PPM1H: variants seen among roughly 807,000 people sequenced by gnomAD.
PPM1H encodes protein phosphatase 1H.
PPM1H carries 27 observed loss-of-function variants against 54.9 expected under a neutral mutation model. That is an observed-to-expected ratio of 0.49 (90% confidence interval 0.36 to 0.68). PPM1H has a LOEUF of 0.68. PPM1H is among the 30% of genes least tolerant of loss of function. The pLI, the probability that PPM1H is intolerant of heterozygous loss-of-function variation, is 0.00. For missense variants in PPM1H, 596 were observed against 667.8 expected (o/e 0.89, Z 1.19); for synonymous variants, 305 against 270.8 (o/e 1.13, Z -1.24).
In PPM1H at chr12:62,934,763, T is replaced by G. The variant is rs1376224620; in HGVS notation, c.-27A>C. 1 of 1,496,210 alleles carries G rather than the reference T, an allele frequency of 6.7e-7. No individual in the cohort carries two copies. 92.7% of individuals were successfully genotyped at this position (1,496,210 alleles called of 1,614,324 possible). Reference sequence around the variant, plus strand: ...TTACTCCGGCGCCCGGCTGCAGCGGTGCGAGCAGGAGGCGGCGGGGGCCGG... The same window carrying G: ...TTACTCCGGCGCCCGGCTGCAGCGGGGCGAGCAGGAGGCGGCGGGGGCCGG... On this transcript the variant is annotated 5_prime_UTR_variant, in exon 1 of 10. Coordinates refer to ENST00000228705, the MANE Select transcript of PPM1H (RefSeq NM_020700.2). This position sits in a 1 kb window ranked among gnomAD's most constrained non-coding sequence, Gnocchi z 4.2.
intron 5 of PPM1H, among the ~76,000 whole-genome samples, chr12:62,733,779 T>G (rs2076336300): frequency 6.6e-6 from 1 of 152,176 alleles, no homozygotes. Context: ...TGGGCAGCAT[T>G]TTCACCTTTT....
chr12:62,669,406 C>T (rs940484453), intron 8 of PPM1H, among the ~76,000 whole-genome samples: 6 of 152,176 alleles, frequency 3.9e-5, no homozygotes, highest in Non-Finnish European at 8.8e-5. Context: ...CAATTCAGTT[C>T]CGGGTGGGCT....
intron 6 of PPM1H, among the ~76,000 whole-genome samples, chr12:62,707,183 C>T (rs1565763247): frequency 6.6e-6 from 1 of 152,160 alleles, no homozygotes; most frequent in East Asian, 1.9e-4. Context: ...GTCTCCTGAC[C>T]TATCCCATGT....
At chr12:62,682,900 C>A (rs1468364867) in intron 8 of PPM1H, among the ~76,000 whole-genome samples, 1 of 151,620 alleles carries the variant, frequency 6.6e-6, no homozygotes, top group Non-Finnish European at 1.5e-5. Flanking sequence ...TGGCTCACTG[C>A]AGCCTCAACC....
chr12:62,792,802 A>G (rs2076707849), intron 3 of PPM1H, among the ~76,000 whole-genome samples: 1 of 152,218 alleles, frequency 6.6e-6, no homozygotes, highest in African/African-American at 2.4e-5. Flanking sequence ...TGTTTCACAA[A>G]ATCTTAGTAC....
intron 4 of PPM1H, among the ~76,000 whole-genome samples, chr12:62,774,246 G>C (rs894258371): frequency 9.2e-5 from 14 of 152,272 alleles, no homozygotes; most frequent in Admixed American, 8.5e-4. Flanking sequence ...AGTTTGCTAC[G>C]GGACAAGATT....
At chr12:62,856,644 A>G (rs1339972218) in intron 1 of PPM1H, among the ~76,000 whole-genome samples, 1 of 152,204 alleles carries the variant, frequency 6.6e-6, no homozygotes, top group African/African-American at 2.4e-5. Context: ...TGATCACTAT[A>G]TGTATTGCAA....
intron 3 of PPM1H, among the ~76,000 whole-genome samples, chr12:62,798,366 A>C (rs1375860450): frequency 2.0e-5 from 3 of 152,230 alleles, no homozygotes; most frequent in Non-Finnish European, 4.4e-5. Context: ...ATATTCAACC[A>C]TTCATCTGTA....
At chr12:62,787,636 A>G (rs1312618320) in intron 4 of PPM1H, among the ~76,000 whole-genome samples, 6 of 152,252 alleles carry the variant, frequency 3.9e-5, no homozygotes, top group Non-Finnish European at 8.8e-5. Flanking sequence ...CTTGGGCAAC[A>G]TAGTGAGACC....
intron 9 of PPM1H, among the ~76,000 whole-genome samples, chr12:62,657,796 C>G (rs1215278880): frequency 2.0e-5 from 3 of 152,028 alleles, no homozygotes; most frequent in Admixed American, 2.0e-4. Context: ...GAATTAACGC[C>G]TGTTGTCAGT....
chr12:62,781,412 G>A (rs779511258), intron 4 of PPM1H, among the ~76,000 whole-genome samples: 7 of 152,254 alleles, frequency 4.6e-5, no homozygotes, highest in Non-Finnish European at 8.8e-5. Flanking sequence ...TGTGGTGTCC[G>A]GCTGCTGCAG....
chr12:62,737,217 T>TAAA (rs111659461), intron 5 of PPM1H, among the ~76,000 whole-genome samples: 30 of 134,300 alleles, frequency 2.2e-4, no homozygotes, highest in Admixed American at 5.2e-4. Flanking sequence ...AAGAAGCCAT[T>TAAA]AAAAAAAAAA....
At chr12:62,884,023 GAACA>G (rs1870490331) in intron 1 of PPM1H, among the ~76,000 whole-genome samples, 1 of 152,096 alleles carries the variant, frequency 6.6e-6, no homozygotes. Flanking sequence ...AAAGAGATGA[GAACA>G]AACAGACAAA....
chr12:62,728,491 TACA>T (rs1251842593), intron 5 of PPM1H, among the ~76,000 whole-genome samples: 5 of 151,920 alleles, frequency 3.3e-5, no homozygotes, highest in African/African-American at 7.3e-5. Flanking sequence ...TGTGGAAAAA[TACA>T]ACAACTCCAT....
At chr12:62,764,015 C>T (rs1260263200) in intron 4 of PPM1H, among the ~76,000 whole-genome samples, 1 of 152,196 alleles carries the variant, frequency 6.6e-6, no homozygotes, top group East Asian at 1.9e-4. Context: ...TGCCTCGATC[C>T]AGCTGCTGCC....
intron 1 of PPM1H, among the ~76,000 whole-genome samples, chr12:62,888,168 G>A (rs1308662793): frequency 1.3e-5 from 2 of 152,276 alleles, no homozygotes; most frequent in South Asian, 4.1e-4. Flanking sequence ...TGAGGGGGAT[G>A]ATGATGAGAC....
rs141560306 is a variant in PPM1H at position 62,829,607 on chromosome 12, G to A, written c.411+2507C>T. ...AGCAGACAGAAATGAAGCTGCTGTG[G>A]TCGGAGCAGGACTGGGGCACCAGGG... On this transcript the variant is annotated intron_variant, in intron 2 of 9. Transcript: ENST00000228705. Among the ~76,000 whole-genome samples the A allele has an allele frequency of 4.5e-3, 681 of 152,358 alleles. 6 individuals carry two copies. Among genetic ancestry groups the A allele is most frequent in the African/African-American group, 0.016 (656 of 41,574 alleles).
rs531922128 is a variant in PPM1H, at chr12:62,895,959, A to G, written c.245+38533T>C. ...ACAAAATAAATAGACTAAGAGACCCACCCAGAACTACCAAGCAAATAATAG... is the reference window on the plus strand; with the variant it reads ...ACAAAATAAATAGACTAAGAGACCCGCCCAGAACTACCAAGCAAATAATAG... On this transcript the variant is annotated intron_variant, in intron 1 of 9. Coordinates refer to ENST00000228705, the MANE Select transcript of PPM1H (RefSeq NM_020700.2). Among the ~76,000 whole-genome samples, 8 of 152,274 alleles carry G rather than the reference A, an allele frequency of 5.3e-5. No homozygotes were observed. The East Asian group carries it at 1.5e-3, about 29-fold the overall frequency.
At chr12:62,781,612 C>T (rs1475449764) in intron 4 of PPM1H, among the ~76,000 whole-genome samples, 1 of 152,214 alleles carries the variant, frequency 6.6e-6, no homozygotes, top group African/African-American at 2.4e-5. Flanking sequence ...CTGCTGGGTC[C>T]ACCCACTGAG....
Sources: gnomAD v4.1 joint callset for allele counts (sites outside exome capture counted in the v4.1 genomes callset) on GRCh38, gnomAD v4.1.1 for gene constraint, Gnocchi (gnomAD v3.1) non-coding constraint, MANE v1.5 for transcripts, NCBI Gene and HGNC (gene_info 2026-07-23, HGNC 2026-07-21) for gene names.